Variants in WHRN observed in about 807,000 individuals in gnomAD.
WHRN encodes whirlin.
In WHRN, 41 loss-of-function variants were observed where a neutral mutation model predicts 68.3. The ratio of observed to expected loss-of-function variants is 0.60; its 90% CI spans 0.47 to 0.78. WHRN has a LOEUF of 0.78. WHRN is among the 30% of genes least tolerant of loss of function. The pLI is 0.00. For missense variants in WHRN, 1,243 were observed against 1,244.7 expected (o/e 1.00, Z 0.02); for synonymous variants, 560 against 561.3 (o/e 1.00, Z 0.03).
At chr9:114,446,370 G>A (rs1410211836) in intron 3 of WHRN, among the ~76,000 whole-genome samples, 6 of 152,082 alleles carry the variant, frequency 3.9e-5, no homozygotes, top group African/African-American at 7.3e-5. Flanking sequence ...TGATGACTTC[G>A]TGGGTACAGA....
intron 5 of WHRN, 53 bp from the exon 6 acceptor site, chr9:114,424,599 G>A (rs1175088702): frequency 6.5e-7 from 1 of 1,547,418 alleles, no homozygotes; most frequent in Non-Finnish European, 8.8e-7. Flanking sequence ...CTAGAGCTGA[G>A]TGGCCATGCC....
chr9:114,436,257 A>AG (rs1306047887), intron 3 of WHRN, among the ~76,000 whole-genome samples: 4 of 152,198 alleles, frequency 2.6e-5, no homozygotes, highest in Non-Finnish European at 5.9e-5. Context: ...GGATTTTTAG[A>AG]GGGGTGATAC....
Position 114,424,566 on chromosome 9 carries a change from A to C in WHRN, c.1204-20T>G. ...TCCTGGCTGCAAGACAGAAAGATAG[A>C]AGCCCAGGAATTCTTAGCTGCTCTA... On this transcript the variant is annotated intron_variant, in intron 5 of 11. Transcript: ENST00000362057. 1 of 1,593,090 alleles carries C rather than the reference A, an allele frequency of 6.3e-7. No homozygotes were observed. The highest frequency in any genetic ancestry group is 2.3e-5 in the East Asian group (1 of 43,512).
chr9:114,409,738 C>G (rs143734419), intron 7 of WHRN, among the ~76,000 whole-genome samples: 1 of 151,712 alleles, frequency 6.6e-6, no homozygotes, highest in Non-Finnish European at 1.5e-5. Context: ...GGCATGCTGT[C>G]GCTCACCTCC....
At chr9:114,425,139 G>C in intron 4 of WHRN, 115 bp from the exon 5 acceptor site, 1 of 1,078,362 alleles carries the variant, frequency 9.3e-7, no homozygotes, top group Non-Finnish European at 1.4e-6. Flanking sequence ...ACCATGCATC[G>C]TGGCCTCCAC....
At chr9:114,475,680 A>C (rs1311154287) in intron 2 of WHRN, among the ~76,000 whole-genome samples, 1 of 152,150 alleles carries the variant, frequency 6.6e-6, no homozygotes, top group Non-Finnish European at 1.5e-5. Flanking sequence ...TTGGACTATC[A>C]GAAGATGGGA....
chr9:114,446,806 C>G (rs1409164627), intron 3 of WHRN, among the ~76,000 whole-genome samples: 2 of 152,116 alleles, frequency 1.3e-5, no homozygotes, highest in Non-Finnish European at 2.9e-5. Context: ...AATACCCTCA[C>G]TCACTCCTAG....
intron 1 of WHRN, among the ~76,000 whole-genome samples, chr9:114,482,855 G>A (rs778590311): frequency 9.2e-5 from 14 of 152,128 alleles, no homozygotes; most frequent in Non-Finnish European, 1.5e-4. Context: ...AGCCAGCGCC[G>A]GAGAGGGCCT....
intron 3 of WHRN, among the ~76,000 whole-genome samples, chr9:114,441,964 C>T (rs1027886394): frequency 6.6e-6 from 1 of 152,174 alleles, no homozygotes; most frequent in Non-Finnish European, 1.5e-5. Flanking sequence ...AATAACGGGA[C>T]AAACTAACAT....
chr9:114,479,138 G>C (rs369421495), intron 1 of WHRN, among the ~76,000 whole-genome samples: 3 of 152,144 alleles, frequency 2.0e-5, no homozygotes, highest in African/African-American at 7.2e-5. Context: ...TGAGAAATGC[G>C]GCTCATGTGC....
intron 6 of WHRN, 73 bp from the exon 7 acceptor site, chr9:114,423,596 C>G (rs1318241060): frequency 6.9e-7 from 1 of 1,447,016 alleles, no homozygotes; most frequent in Non-Finnish European, 9.4e-7. Context: ...CTGCTACCCC[C>G]AAAGGACTGG....
intron 3 of WHRN, among the ~76,000 whole-genome samples, chr9:114,442,943 T>TAAACA (rs1180198711): frequency 2.0e-5 from 3 of 152,074 alleles, no homozygotes; most frequent in Non-Finnish European, 2.9e-5. Flanking sequence ...TAAAAAGATT[T>TAAACA]AAACAAAACA....
chr9:114,489,557 TTCCTC>T (rs1842816269), intron 1 of WHRN, among the ~76,000 whole-genome samples: 1 of 152,004 alleles, frequency 6.6e-6, no homozygotes, highest in Non-Finnish European at 1.5e-5. Flanking sequence ...TCACTTCTGA[TTCCTC>T]TACCTTTTTA....
chr9:114,426,986 C>A (rs1836932913), intron 3 of WHRN, among the ~76,000 whole-genome samples: 2 of 152,154 alleles, frequency 1.3e-5, no homozygotes, highest in Admixed American at 1.3e-4. Context: ...ATATTTCTGG[C>A]AGGTACAGTG....
chr9:114,490,896 C>T (rs1842920293), intron 1 of WHRN, among the ~76,000 whole-genome samples: 1 of 152,228 alleles, frequency 6.6e-6, no homozygotes. Context: ...ATATTGATTC[C>T]TCTTTAATGC....
intron 7 of WHRN, among the ~76,000 whole-genome samples, chr9:114,415,286 AAC>A (rs1835736111): frequency 1.4e-5 from 2 of 145,288 alleles, no homozygotes; most frequent in South Asian, 4.4e-4. Context: ...AAAAAAAAAA[AAC>A]ACAAACAGGA....
chr9:114,486,659 T>C (rs1842493332), intron 1 of WHRN, among the ~76,000 whole-genome samples: 2 of 151,838 alleles, frequency 1.3e-5, no homozygotes, highest in South Asian at 4.2e-4. Flanking sequence ...ATAGACACAT[T>C]AGATACACAT....
intron 2 of WHRN, among the ~76,000 whole-genome samples, chr9:114,475,653 A>G (rs943367803): frequency 6.6e-6 from 1 of 152,140 alleles, no homozygotes; most frequent in Non-Finnish European, 1.5e-5. Flanking sequence ...CGAGTCCAAG[A>G]GTCTGGCCGT....
In WHRN at chr9:114,406,372, G is replaced by A. The variant is rs976736112; in HGVS notation, c.2219C>T (p.Ala740Val). 16 of 1,613,964 alleles carry A rather than the reference G, an allele frequency of 9.9e-6. No individual in the cohort carries two copies. Among genetic ancestry groups the A allele is most frequent in the Admixed American group, 1.7e-5 (1 of 60,010 alleles). The change falls in exon 9 of 12, where the codon GCG (alanine) becomes GTG (valine). Residue 740 changes from alanine (A) to valine (V), a missense_variant. Coordinates refer to ENST00000362057, the MANE Select transcript of WHRN (RefSeq NM_015404.4). The stretch of plus-strand genomic sequence containing the variant: ...GTACTCACTGCGCGTCTGGGGCAGC[G>A]CCCTCACTTCATTGACGTCTGGCTC... ...DSEPDVNEVR[A>V]LPQTRTASTL...
Sources: gnomAD v4.1 joint callset for allele counts (sites outside exome capture counted in the v4.1 genomes callset) on GRCh38, gnomAD v4.1.1 for gene constraint, MANE v1.5 for transcripts, NCBI Gene and HGNC (gene_info 2026-07-23, HGNC 2026-07-21) for gene names.